The following ITGA1 variants were observed in gnomAD, a reference collection of about 807,000 sequenced individuals.
ITGA1 encodes the protein integrin subunit alpha 1, also known as integrin alpha-1.
ITGA1 carries 85 observed loss-of-function variants against 145.9 expected under a neutral mutation model. That is an observed-to-expected ratio of 0.58 (90% CI 0.49 to 0.70). ITGA1 has a LOEUF of 0.70. Ranked by LOEUF, ITGA1 falls within the 30% of genes least tolerant of loss-of-function variation. ITGA1 has a pLI of 0.00. For synonymous variants in ITGA1, 520 were observed against 495.3 expected, an observed-to-expected ratio of 1.05 and a Z score of -0.66; for missense variants, 1,351 against 1,418.7, an observed-to-expected ratio of 0.95 and a Z score of 0.77.
chr5:52,913,023 G>T (rs897560390), intron 14 of ITGA1, among the ~76,000 whole-genome samples: 1 of 152,000 alleles, frequency 6.6e-6, no homozygotes, highest in African/African-American at 2.4e-5. Context: ...TGGGATTACA[G>T]GCGTGAGCCA....
intron 6 of ITGA1, among the ~76,000 whole-genome samples, chr5:52,876,780 A>G (rs1749874459): frequency 6.6e-6 from 1 of 152,164 alleles, no homozygotes; most frequent in African/African-American, 2.4e-5. Flanking sequence ...TGTGCACTCA[A>G]ACAGTTGAGA....
At chr5:52,882,442 G>T (rs1480361753) in intron 7 of ITGA1, among the ~76,000 whole-genome samples, 1 of 151,612 alleles carries the variant, frequency 6.6e-6, no homozygotes, top group African/African-American at 2.4e-5. Flanking sequence ...TTCAGTACTT[G>T]ATTTACCGTT....
At position 52,876,946 on chromosome 5, in the gene ITGA1, G is replaced by C. The variant is rs139107765; in HGVS notation, c.625-4927G>C. 9.6e-3 allele frequency among the ~76,000 whole-genome samples: 1,460 copies of C among 152,264 alleles called. 13 individuals carry two copies. Among genetic ancestry groups the C allele is most frequent in the Middle Eastern group, 0.037 (11 of 294 alleles). ...AGCTTAGTAGGAGGGACAAAGAAGTGCATTTGGTAGGAGTGGAGTTCATAT... is the reference window on the plus strand; with the variant it reads ...AGCTTAGTAGGAGGGACAAAGAAGTCCATTTGGTAGGAGTGGAGTTCATAT... On this transcript the variant is annotated intron_variant, in intron 6 of 28. Coordinates refer to ENST00000282588, the MANE Select transcript of ITGA1 (RefSeq NM_181501.2).
intron 11 of ITGA1, chr5:52,904,432 G>C (rs981981738): frequency 2.0e-5 from 3 of 152,022 alleles, no homozygotes; most frequent in Non-Finnish European, 4.4e-5. Context: ...GAAGAAAAAG[G>C]TATTCCAGAA....
chr5:52,818,691 T>C (rs1748817204), intron 1 of ITGA1, among the ~76,000 whole-genome samples: 1 of 152,220 alleles, frequency 6.6e-6, no homozygotes. Flanking sequence ...CTAATTTCTT[T>C]TTTTGTCATA....
intron 2 of ITGA1, among the ~76,000 whole-genome samples, chr5:52,852,747 C>T (rs766847454): frequency 5.9e-5 from 9 of 152,130 alleles, no homozygotes; most frequent in Non-Finnish European, 1.3e-4. Context: ...TTGCAGCCCA[C>T]TTGCAACCCT....
chr5:52,875,896 TC>T (rs1219103510), intron 6 of ITGA1, among the ~76,000 whole-genome samples: 1 of 152,096 alleles, frequency 6.6e-6, no homozygotes, highest in African/African-American at 2.4e-5. Context: ...GTTTTTTTTT[TC>T]CTTTTTCCTC....
In ITGA1 at chr5:52,952,689, A is replaced by G. The variant is rs1420120987; in HGVS notation, c.*238A>G. ...ATTACTCATTTTTGTTGAGTAAGCA[A>G]AATTACAAAGTGTTTTTAAAAAAAC... On this transcript the variant is annotated 3_prime_UTR_variant, in exon 29 of 29. Coordinates refer to ENST00000282588, the MANE Select transcript of ITGA1 (RefSeq NM_181501.2). The G allele has an allele frequency of 2.7e-5, 6 of 222,116 alleles. No homozygotes were observed. Among genetic ancestry groups the G allele is most frequent in the African/African-American group, 4.5e-5 (2 of 44,204 alleles). 13.8% of individuals were successfully genotyped at this position (222,116 alleles called of 1,614,324 possible).
chr5:52,874,493 T>C (rs184107124), intron 6 of ITGA1, among the ~76,000 whole-genome samples: 48 of 152,252 alleles, frequency 3.2e-4, no homozygotes, highest in African/African-American at 1.1e-3. Context: ...TTTAAGATAG[T>C]TGTTAAAATC....
chr5:52,890,941 A>AT (rs762780516), intron 8 of ITGA1, among the ~76,000 whole-genome samples: 22 of 152,044 alleles, frequency 1.4e-4, no homozygotes, highest in Admixed American at 5.9e-4. Context: ...TGAGATCCAC[A>AT]TTTTCAGCTC....
chr5:52,825,621 G>T (rs1274325385), intron 1 of ITGA1, among the ~76,000 whole-genome samples: 1 of 151,812 alleles, frequency 6.6e-6, no homozygotes, highest in African/African-American at 2.4e-5. Flanking sequence ...CAAAAGTATT[G>T]AAATTAGTCT....
At chr5:52,832,291 A>C (rs1315154344) in intron 1 of ITGA1, among the ~76,000 whole-genome samples, 1 of 152,142 alleles carries the variant, frequency 6.6e-6, no homozygotes, top group Non-Finnish European at 1.5e-5. Context: ...ACGGTGGCCA[A>C]GAGTGTAGGT....
intron 14 of ITGA1, among the ~76,000 whole-genome samples, chr5:52,911,506 C>T (rs1294160609): frequency 9.2e-6 from 1 of 108,502 alleles, no homozygotes; most frequent in Admixed American, 1.1e-4. Context: ...ATAGTAGATA[C>T]ACTATATATA....
intron 1 of ITGA1, among the ~76,000 whole-genome samples, chr5:52,840,334 T>A (rs1481310026): frequency 2.0e-5 from 3 of 152,186 alleles, no homozygotes; most frequent in Non-Finnish European, 4.4e-5. Flanking sequence ...TATGCAGTGC[T>A]CCATGCTGTG....
At chr5:52,861,102 A>G (rs1228976749) in intron 2 of ITGA1, among the ~76,000 whole-genome samples, 1 of 152,156 alleles carries the variant, frequency 6.6e-6, no homozygotes, top group Admixed American at 6.5e-5. Context: ...AAATATGATA[A>G]AGTAATATAA....
chr5:52,899,067 A>G (rs1174181872), intron 11 of ITGA1, among the ~76,000 whole-genome samples: 1 of 152,170 alleles, frequency 6.6e-6, no homozygotes. Flanking sequence ...AGGACCTAAA[A>G]TAAAAAGGAC....
intron 1 of ITGA1, chr5:52,800,139 A>G (rs1748431587): frequency 5.9e-6 from 3 of 505,210 alleles, no homozygotes; most frequent in Admixed American, 3.4e-5. Context: ...GGAACTGTGT[A>G]GGGGTAGATT....
chr5:52,922,772 T>A lies in ITGA1; in HGVS notation c.2293-5T>A. ...CAGTGATATATTTTATGTTTCACCC[T>A]CTAGGACAAGCATGACTTTCAGGAC... On this transcript the variant is annotated splice_polypyrimidine_tract_variant and splice_region_variant and intron_variant, in intron 17 of 28. Coordinates refer to ENST00000282588, the MANE Select transcript of ITGA1 (RefSeq NM_181501.2). 2 of 1,586,142 alleles carry A rather than the reference T, an allele frequency of 1.3e-6. No individual in the cohort carries two copies. The highest frequency in any genetic ancestry group is 1.7e-6 in the Non-Finnish European group (2 of 1,155,184).
At position 52,947,339 on chromosome 5, in the gene ITGA1, T is replaced by C; in HGVS notation, c.3379-6T>C. 1 of 1,560,046 alleles carries C rather than the reference T, an allele frequency of 6.4e-7. No homozygotes were observed. Among genetic ancestry groups the C allele is most frequent in the South Asian group, 1.1e-5 (1 of 89,938 alleles). On this transcript the variant is annotated splice_region_variant and splice_polypyrimidine_tract_variant and intron_variant, in intron 27 of 28. Coordinates refer to ENST00000282588, the MANE Select transcript of ITGA1 (RefSeq NM_181501.2). The stretch of plus-strand genomic sequence containing the variant: ...TATGTTAACAATCTTGTTTAATAAT[T>C]TTCAGCTTGCTATTCAAATATCCAA...
Sources: gnomAD v4.1 joint callset for allele counts (sites outside exome capture counted in the v4.1 genomes callset) on GRCh38, gnomAD v4.1.1 for gene constraint, MANE v1.5 for transcripts, NCBI Gene and HGNC (gene_info 2026-07-23, HGNC 2026-07-21) for gene names.